MYO5B: variants seen among roughly 807,000 people sequenced by gnomAD.
The protein encoded by MYO5B is unconventional myosin-Vb.
Under a neutral mutation model 229.3 loss-of-function variants are expected in MYO5B, and 143 were observed. The ratio of observed to expected loss-of-function variants is 0.62; its 90% CI spans 0.54 to 0.72. The LOEUF is 0.72. Ranked by LOEUF, MYO5B falls within the 30% of genes least tolerant of loss-of-function variation. The pLI, the probability that MYO5B is intolerant of heterozygous loss-of-function variation, is 0.00. For missense variants in MYO5B, 2,321 were observed against 2,331.0 expected, an observed-to-expected ratio of 1.00 and a Z score of 0.09; for synonymous variants, 918 against 885.2, an observed-to-expected ratio of 1.04 and a Z score of -0.66.
At chr18:50,099,897 C>T (rs1242125333) in intron 1 of MYO5B, among the ~76,000 whole-genome samples, 3 of 152,200 alleles carry the variant, frequency 2.0e-5, no homozygotes, top group African/African-American at 2.4e-5. Flanking sequence ...TACTAGGGCC[C>T]GTGTGTGCCT....
At chr18:50,095,247 T>C (rs998389939) in intron 1 of MYO5B, among the ~76,000 whole-genome samples, 4 of 152,228 alleles carry the variant, frequency 2.6e-5, no homozygotes, top group African/African-American at 4.8e-5. Flanking sequence ...ATTGTCATAG[T>C]TGGCCTGACA....
chr18:50,107,106 T>C (rs2031774905), intron 1 of MYO5B, among the ~76,000 whole-genome samples: 1 of 119,928 alleles, frequency 8.3e-6, no homozygotes, highest in Non-Finnish European at 1.7e-5. Flanking sequence ...TGCCTTAGGG[T>C]GCCTTTTTTT....
At chr18:50,107,794 A>T (rs1358387538) in intron 1 of MYO5B, among the ~76,000 whole-genome samples, 2 of 152,250 alleles carry the variant, frequency 1.3e-5, no homozygotes, top group East Asian at 3.8e-4. Context: ...ATGTACTTAC[A>T]GTATAATTAT....
At chr18:50,086,330 T>C (rs974571221) in intron 1 of MYO5B, among the ~76,000 whole-genome samples, 3 of 152,238 alleles carry the variant, frequency 2.0e-5, no homozygotes, top group African/African-American at 4.8e-5. Flanking sequence ...CATGACTAGA[T>C]ACACCTGTAA....
At chr18:49,954,226 G>A (rs2025465760) in intron 13 of MYO5B, 87 bp downstream of exon 13, 2 of 1,577,296 alleles carry the variant, frequency 1.3e-6, no homozygotes, top group African/African-American at 2.7e-5. Context: ...ATTCAGAAGG[G>A]ACAGATTTCT....
chr18:49,923,761 C>G (rs752356382), intron 17 of MYO5B, among the ~76,000 whole-genome samples: 4 of 152,146 alleles, frequency 2.6e-5, no homozygotes, highest in Non-Finnish European at 4.4e-5. Context: ...TTGAACAATT[C>G]ATTCTGTTAA....
intron 2 of MYO5B, among the ~76,000 whole-genome samples, chr18:50,043,547 T>A (rs1452909320): frequency 8.0e-6 from 1 of 125,152 alleles, no homozygotes; most frequent in African/African-American, 3.2e-5. Context: ...TATATAAATA[T>A]AAATGTATTT....
chr18:50,140,472 C>T (rs2032401335), intron 1 of MYO5B, among the ~76,000 whole-genome samples: 1 of 152,146 alleles, frequency 6.6e-6, no homozygotes, highest in African/African-American at 2.4e-5. Context: ...CTGTTTCTCA[C>T]CTGGGCTAAT....
chr18:50,064,424 A>C, intron 1 of MYO5B: 1 of 152,344 alleles, frequency 6.6e-6, no homozygotes, highest in East Asian at 1.9e-4. Context: ...AGTAGCTAAA[A>C]CTGTTAAAAT....
At chr18:50,151,817 G>A (rs1375427378) in intron 1 of MYO5B, among the ~76,000 whole-genome samples, 1 of 152,066 alleles carries the variant, frequency 6.6e-6, no homozygotes, top group African/African-American at 2.4e-5. Flanking sequence ...CTCTGAGCTG[G>A]TCCCTTGGAA....
intron 5 of MYO5B, among the ~76,000 whole-genome samples, chr18:49,999,281 T>C (rs1208445461): frequency 6.6e-6 from 1 of 152,212 alleles, no homozygotes; most frequent in African/African-American, 2.4e-5. Context: ...TTCACTCTCA[T>C]TTGAGGTAGA....
chr18:50,086,413 C>T (rs1030294867), intron 1 of MYO5B, among the ~76,000 whole-genome samples: 9 of 152,206 alleles, frequency 5.9e-5, no homozygotes, highest in Non-Finnish European at 1.3e-4. Flanking sequence ...TTTGTTTCCA[C>T]TCACCATCGA....
chr18:50,192,441 G>A (rs987815285), intron 1 of MYO5B, among the ~76,000 whole-genome samples: 2 of 152,216 alleles, frequency 1.3e-5, no homozygotes, highest in Non-Finnish European at 2.9e-5. Context: ...CTGGTTCAGA[G>A]CAGAGATCAC....
At chr18:49,864,402 G>A (rs771684686) in intron 27 of MYO5B, 22 bp from the exon 28 acceptor site, 5 of 1,611,102 alleles carry the variant, frequency 3.1e-6, no homozygotes, top group Non-Finnish European at 2.5e-6. Flanking sequence ...CCCAAGGGCC[G>A]CTGCCATTAC....
intron 10 of MYO5B, among the ~76,000 whole-genome samples, chr18:49,973,691 G>T (rs1360619953): frequency 6.6e-6 from 1 of 152,148 alleles, no homozygotes; most frequent in Non-Finnish European, 1.5e-5. Context: ...ACCAGAGAGG[G>T]TCTGCTATCT....
At chr18:50,012,050 T>A (rs2026166799) in intron 4 of MYO5B, among the ~76,000 whole-genome samples, 1 of 152,220 alleles carries the variant, frequency 6.6e-6, no homozygotes, top group African/African-American at 2.4e-5. Context: ...CAACCCTGGC[T>A]GTACATTAAG....
intron 14 of MYO5B, among the ~76,000 whole-genome samples, chr18:49,947,360 C>T (rs994311229): frequency 8.5e-5 from 13 of 152,116 alleles, no homozygotes; most frequent in Admixed American, 8.5e-4. Context: ...CTGCCTTGGC[C>T]TCCCGAAGTG....
At position 50,055,264 on chromosome 18, in the gene MYO5B, T is replaced by G. The variant is rs764308742; in HGVS notation, c.138+4A>C. 1 of 874,574 alleles carries G rather than the reference T, an allele frequency of 1.1e-6. No homozygotes were observed. Among genetic ancestry groups the G allele is most frequent in the Non-Finnish European group, 1.7e-6 (1 of 604,764 alleles). The allele number at this position is 874,574 out of a possible 1,614,324, so 54.2% of individuals were successfully genotyped here. ...CCGCCCCCCTGCCCCGGACTCACTC[T>G]TACCGTTTCATCCTCCAGTCTGAGC... On this transcript the variant is annotated splice_donor_region_variant and intron_variant, in intron 2 of 39. Coordinates refer to ENST00000285039, the MANE Select transcript of MYO5B (RefSeq NM_001080467.3).
chr18:49,976,904 G>C (rs906695605), intron 9 of MYO5B, among the ~76,000 whole-genome samples: 2 of 152,136 alleles, frequency 1.3e-5, no homozygotes, highest in African/African-American at 4.8e-5. Flanking sequence ...GGTGGCAAGC[G>C]TCCAATTTGT....
Sources: allele counts gnomAD v4.1 joint callset (sites outside exome capture counted in the v4.1 genomes callset), GRCh38; gene constraint gnomAD v4.1.1; transcripts MANE v1.5; gene names NCBI Gene and HGNC (gene_info 2026-07-23, HGNC 2026-07-21).